DOK6: variants seen among roughly 807,000 people sequenced by gnomAD.
DOK6 encodes the protein docking protein 6, also known as downstream of tyrosine kinase 6.
A neutral mutation model predicts 44.0 loss-of-function variants in DOK6; 22 were observed. That is an observed-to-expected ratio of 0.50 (90% CI 0.36 to 0.71). The LOEUF (loss-of-function observed/expected upper bound fraction) is 0.71. Among genes scored for constraint, DOK6 ranks in the 30% least tolerant of loss-of-function variants. DOK6 has a pLI of 0.00. For missense variants in DOK6, 340 were observed against 416.4 expected (o/e 0.82, Z 1.60); for synonymous variants, 166 against 145.5 (o/e 1.14, Z -1.01).
intron 3 of DOK6, among the ~76,000 whole-genome samples, chr18:69,617,736 AGGAGGG>A (rs1984344458): frequency 7.7e-6 from 1 of 129,716 alleles, no homozygotes; most frequent in Admixed American, 7.8e-5. Flanking sequence ...AAAAGGGGGA[AGGAGGG>A]AAGGAAGGAA....
intron 1 of DOK6, among the ~76,000 whole-genome samples, chr18:69,546,277 CAAAAA>C (rs112839837): frequency 9.6e-6 from 1 of 103,932 alleles, no homozygotes; most frequent in Non-Finnish European, 2.1e-5. Flanking sequence ...AACTCCGTCT[CAAAAA>C]AAAAAAAAAG....
chr18:69,677,698 G>A (rs1343476644), intron 3 of DOK6, 36 bp from the exon 4 acceptor site: 1 of 1,611,538 alleles, frequency 6.2e-7, no homozygotes, highest in South Asian at 1.1e-5. Context: ...TTCCTAGGGA[G>A]CATTGCTTGA....
intron 1 of DOK6, among the ~76,000 whole-genome samples, chr18:69,444,707 G>A (rs909926583): frequency 1.4e-5 from 2 of 146,090 alleles, no homozygotes; most frequent in African/African-American, 5.1e-5. Flanking sequence ...GCAATGGCAC[G>A]ATCTCAGCTC....
intron 7 of DOK6, among the ~76,000 whole-genome samples, chr18:69,775,654 C>G (rs961763715): frequency 6.6e-6 from 1 of 150,754 alleles, no homozygotes; most frequent in Non-Finnish European, 1.5e-5. Flanking sequence ...TTATAACAGA[C>G]ACTATAAAAT....
chr18:69,570,701 G>T (rs1983093483), intron 2 of DOK6, among the ~76,000 whole-genome samples: 1 of 152,046 alleles, frequency 6.6e-6, no homozygotes, highest in African/African-American at 2.4e-5. Flanking sequence ...ACATACTGGG[G>T]GTCAGTGATT....
chr18:69,506,514 C>T (rs1485172114), intron 1 of DOK6, among the ~76,000 whole-genome samples: 1 of 152,078 alleles, frequency 6.6e-6, no homozygotes, highest in Non-Finnish European at 1.5e-5. Context: ...ATAACCTTTC[C>T]AGTTTGGCTT....
chr18:69,520,554 G>A (rs1290238233), intron 1 of DOK6, among the ~76,000 whole-genome samples: 1 of 151,782 alleles, frequency 6.6e-6, no homozygotes, highest in Non-Finnish European at 1.5e-5. Flanking sequence ...GCACCAACAT[G>A]ATGCCTAAAG....
intron 7 of DOK6, among the ~76,000 whole-genome samples, chr18:69,776,042 G>C (rs1425650097): frequency 6.6e-6 from 1 of 151,918 alleles, no homozygotes; most frequent in African/African-American, 2.4e-5. Context: ...GGTCAGTACT[G>C]TTAAATAACA....
At chr18:69,461,705 T>C (rs1336292460) in intron 1 of DOK6, among the ~76,000 whole-genome samples, 1 of 152,230 alleles carries the variant, frequency 6.6e-6, no homozygotes, top group Non-Finnish European at 1.5e-5. Flanking sequence ...TTTGATCTCA[T>C]ATCCTCCTCT....
rs147600572 is a variant in DOK6, at chr18:69,734,092, T to C, written c.600-4873T>C. 1.2e-4 allele frequency among the ~76,000 whole-genome samples: 18 copies of C among 152,090 alleles called. No individual in the cohort carries two copies. In the East Asian group the frequency reaches 2.3e-3, roughly 20 times the overall value. Reference sequence around the variant, plus strand: ...GATATTTTCTTGTAGTGCTTTTTTTTCCCCATTTGCTTTCTCTGAAATTTA... The same window carrying C: ...GATATTTTCTTGTAGTGCTTTTTTTCCCCCATTTGCTTTCTCTGAAATTTA... On this transcript the variant is annotated intron_variant, in intron 5 of 7. Coordinates refer to ENST00000382713, the MANE Select transcript of DOK6 (RefSeq NM_152721.6).
chr18:69,659,320 G>A (rs1012491462), intron 3 of DOK6, among the ~76,000 whole-genome samples: 7 of 152,148 alleles, frequency 4.6e-5, no homozygotes, highest in African/African-American at 1.7e-4. Context: ...CCTCCAAATG[G>A]TTCAAAGTAT....
chr18:69,758,685 C>T (rs1012739976), intron 7 of DOK6, among the ~76,000 whole-genome samples: 1 of 152,170 alleles, frequency 6.6e-6, no homozygotes, highest in Non-Finnish European at 1.5e-5. Flanking sequence ...CAGCCAAGAG[C>T]ATTTACTCAT....
At chr18:69,682,265 A>C (rs893060771) in intron 4 of DOK6, among the ~76,000 whole-genome samples, 2 of 152,234 alleles carry the variant, frequency 1.3e-5, no homozygotes, top group Admixed American at 1.3e-4. Context: ...AAGCTCACAA[A>C]GTAGTAAAGG....
rs897020746 is a variant in DOK6, at chr18:69,565,473, A to C, written c.174+879A>C. ...ACTCTAGGAACCATCTTCTGTCTCT[A>C]CGTGTGTGTGTGTGTGTGTGTGTGT... On this transcript the variant is annotated intron_variant, in intron 2 of 7. Coordinates refer to ENST00000382713, the MANE Select transcript of DOK6 (RefSeq NM_152721.6). 9.2e-5 allele frequency among the ~76,000 whole-genome samples: 10 copies of C among 108,926 alleles called. No individual in the cohort carries two copies. The East Asian group carries it at 2.5e-3, about 28-fold the overall frequency. 71.5% of individuals were successfully genotyped at this position (108,926 alleles called of 152,430 possible).
At chr18:69,831,862 T>C (rs1803134702) in intron 7 of DOK6, among the ~76,000 whole-genome samples, 1 of 152,232 alleles carries the variant, frequency 6.6e-6, no homozygotes, top group African/African-American at 2.4e-5. Flanking sequence ...TTGCTAAGCA[T>C]AATTAATATA....
intron 1 of DOK6, among the ~76,000 whole-genome samples, chr18:69,418,229 A>T (rs745543197): frequency 2.2e-5 from 3 of 136,284 alleles, no homozygotes; most frequent in Non-Finnish European, 5.1e-5. Flanking sequence ...TGATTTATGT[A>T]TATATTGAAA....
intron 1 of DOK6, among the ~76,000 whole-genome samples, chr18:69,413,950 C>T (rs999318348): frequency 2.0e-5 from 3 of 151,844 alleles, no homozygotes; most frequent in South Asian, 2.1e-4. Flanking sequence ...ACATACATTT[C>T]ACCAAAGTTG....
At chr18:69,618,888 A>T (rs1984374089) in intron 3 of DOK6, among the ~76,000 whole-genome samples, 1 of 152,302 alleles carries the variant, frequency 6.6e-6, no homozygotes, top group East Asian at 1.9e-4. Context: ...TTTAAATAAA[A>T]ATAACGATTT....
intron 2 of DOK6, among the ~76,000 whole-genome samples, chr18:69,583,348 GA>G (rs1362881434): frequency 3.9e-5 from 6 of 152,118 alleles, no homozygotes; most frequent in Admixed American, 6.5e-5. Flanking sequence ...ATTAATCCAG[GA>G]ATTAATTGCC....
Sources: allele counts gnomAD v4.1 joint callset (sites outside exome capture counted in the v4.1 genomes callset), GRCh38; gene constraint gnomAD v4.1.1; transcripts MANE v1.5; gene names NCBI Gene and HGNC (gene_info 2026-07-23, HGNC 2026-07-21).